The following COL4A4 variants were observed in gnomAD, a reference collection of about 807,000 sequenced individuals.
COL4A4 encodes collagen alpha-4(IV) chain.
In COL4A4, 105 loss-of-function variants were observed where a neutral mutation model predicts 192.9. That is an observed-to-expected ratio of 0.54 (90% CI 0.46 to 0.64). COL4A4 has a LOEUF of 0.64. COL4A4 is among the 30% of genes least tolerant of loss of function. The pLI is 0.00. For synonymous variants in COL4A4, 762 were observed against 769.9 expected (o/e 0.99, Z 0.17); for missense variants, 1,967 against 2,169.3 (o/e 0.91, Z 1.85).
the COL4A4 span, among the ~76,000 whole-genome samples, chr2:226,976,033 G>C: frequency 1.3e-5 from 2 of 151,754 alleles, no homozygotes; most frequent in Admixed American, 1.3e-4. Flanking sequence ...GGCCTGTCTG[G>C]TCACAAGTCC....
chr2:227,006,488 T>G lies in COL4A4; in HGVS notation c.*837A>C, dbSNP rs1288872117. ...AAGTTCACTGCAATGGGGAGTCAAT[T>G]TTTGTGAATAACTACCTTAATATTC... On this transcript the variant is annotated 3_prime_UTR_variant, in exon 48 of 48. Transcript: ENST00000396625. The G allele has an allele frequency of 1.3e-5, 2 of 152,458 alleles. No individual in the cohort carries two copies. Among genetic ancestry groups the G allele is most frequent in the African/African-American group, 2.4e-5 (1 of 41,456 alleles). 9.4% of individuals were successfully genotyped at this position (152,458 alleles called of 1,614,324 possible). A position where few individuals can be genotyped will look rare whatever the true frequency, so the allele number is the denominator to read the frequency against.
intron 2 of COL4A4, chr2:227,147,152 C>A: frequency 1.7e-6 from 1 of 583,500 alleles, no homozygotes; most frequent in Non-Finnish European, 3.3e-6. Flanking sequence ...CTATTCAAAC[C>A]TAGTGAGTAA....
At chr2:227,044,987 C>T (rs1297097501) in intron 35 of COL4A4, among the ~76,000 whole-genome samples, 1 of 152,074 alleles carries the variant, frequency 6.6e-6, no homozygotes, top group Non-Finnish European at 1.5e-5. Flanking sequence ...AAAAAGTCAG[C>T]CTAAGTGTAA....
At chr2:227,013,313 C>T (rs1321388615) in intron 44 of COL4A4, among the ~76,000 whole-genome samples, 1 of 152,054 alleles carries the variant, frequency 6.6e-6, no homozygotes, top group African/African-American at 2.4e-5. Flanking sequence ...ACAGAGTAGC[C>T]TGGTATGGGC....
chr2:227,142,483 G>T (rs2063286476), intron 3 of COL4A4, among the ~76,000 whole-genome samples: 1 of 152,164 alleles, frequency 6.6e-6, no homozygotes, highest in Non-Finnish European at 1.5e-5. Context: ...GCTGGCTGCG[G>T]TGGCTCATTC....
chr2:227,128,477 C>T (rs939314787), intron 4 of COL4A4, among the ~76,000 whole-genome samples: 5 of 152,110 alleles, frequency 3.3e-5, no homozygotes, highest in Admixed American at 3.3e-4. Flanking sequence ...TTCTTGCATC[C>T]TCTTCCCCTG....
At chr2:227,068,903 A>G (rs1309902302) in intron 25 of COL4A4, among the ~76,000 whole-genome samples, 7 of 150,828 alleles carry the variant, frequency 4.6e-5, no homozygotes, top group Non-Finnish European at 8.8e-5. Flanking sequence ...AGGGTATTCA[A>G]TTGGGAAAAG....
chr2:227,085,168 C>T (rs1287164621), intron 22 of COL4A4, among the ~76,000 whole-genome samples: 2 of 151,014 alleles, frequency 1.3e-5, no homozygotes, highest in Non-Finnish European at 2.9e-5. Context: ...AAAAAAAACA[C>T]TTCCTCTCTG....
chr2:227,061,228 T>C (rs1372330428), intron 26 of COL4A4, among the ~76,000 whole-genome samples: 1 of 152,236 alleles, frequency 6.6e-6, no homozygotes, highest in Non-Finnish European at 1.5e-5. Flanking sequence ...GAACGTTCAA[T>C]CCGTCAACCT....
chr2:227,120,833 G>C (rs973816798), intron 5 of COL4A4, 181 bp downstream of exon 5: 2 of 682,444 alleles, frequency 2.9e-6, no homozygotes, highest in East Asian at 5.7e-5. Context: ...CAGCTACTTG[G>C]GAGGCTGAGG....
intron 14 of COL4A4, 112 bp from the exon 15 acceptor site, chr2:227,102,960 T>C: frequency 1.6e-6 from 2 of 1,220,144 alleles, no homozygotes; most frequent in Non-Finnish European, 2.4e-6. Flanking sequence ...AAAATTATTG[T>C]CAGCAGCTTA....
At chr2:227,098,953 C>T (rs1559618145) in intron 18 of COL4A4, among the ~76,000 whole-genome samples, 155 bp from the exon 19 acceptor site, 2 of 152,268 alleles carry the variant, frequency 1.3e-5, no homozygotes, top group East Asian at 1.9e-4. Flanking sequence ...AAATGTGAAC[C>T]GCCTTGGCTG....
intron 46 of COL4A4, 140 bp downstream of exon 46, chr2:227,010,173 G>T (rs1471936571): frequency 7.0e-6 from 6 of 860,418 alleles, no homozygotes; most frequent in Non-Finnish European, 9.7e-6. Flanking sequence ...AGCTGAGAAT[G>T]ACCATGCTAG....
At chr2:227,069,273 G>A (rs1184814678) in intron 25 of COL4A4, among the ~76,000 whole-genome samples, 3 of 151,368 alleles carry the variant, frequency 2.0e-5, no homozygotes, top group South Asian at 2.1e-4. Flanking sequence ...AATCAATATC[G>A]TGAAAATGGC....
At position 227,147,721 on chromosome 2, in the gene COL4A4, A is replaced by C. The variant is rs767708953; in HGVS notation, c.-101-137T>G. 1.2e-4 allele frequency: 50 copies of C among 404,148 alleles called. 1 individual carries two copies. Among genetic ancestry groups the C allele is most frequent in the Non-Finnish European group, 1.9e-4 (41 of 217,754 alleles). The allele number at this position is 404,148 out of a possible 1,614,324, so 25.0% of individuals were successfully genotyped here. A position where few individuals can be genotyped will look rare whatever the true frequency, so the allele number is the denominator to read the frequency against. On this transcript the variant is annotated intron_variant, in intron 1 of 47. Transcript: ENST00000396625. ...TCTTTCCTTAGTGATGGTGAAACTGAATAAATATCAGTTTTTATCTTCAGA... is the reference window on the plus strand; with the variant it reads ...TCTTTCCTTAGTGATGGTGAAACTGCATAAATATCAGTTTTTATCTTCAGA...
At chr2:227,121,561 CAAA>C (rs766680844) in intron 4 of COL4A4, among the ~76,000 whole-genome samples, 1 of 59,012 alleles carries the variant, frequency 1.7e-5, no homozygotes, top group Non-Finnish European at 3.7e-5. Flanking sequence ...GACCCTATCT[CAAA>C]AAAAAAAAAA....
At chr2:227,077,709 AAG>A (rs1377402085) in intron 25 of COL4A4, among the ~76,000 whole-genome samples, 183 bp downstream of exon 25, 1 of 151,742 alleles carries the variant, frequency 6.6e-6, no homozygotes, top group African/African-American at 2.4e-5. Flanking sequence ...GAAAAAAAAA[AAG>A]AAGGAGGAGG....
intron 4 of COL4A4, among the ~76,000 whole-genome samples, chr2:227,129,203 T>C (rs1021597819): frequency 3.9e-5 from 6 of 152,114 alleles, no homozygotes; most frequent in Non-Finnish European, 7.4e-5. Flanking sequence ...CTCAAAGACA[T>C]GAGACAAAGG....
the COL4A4 span, among the ~76,000 whole-genome samples, chr2:226,974,225 TTTTTATTTTA>T: frequency 2.0e-5 from 3 of 148,260 alleles, no homozygotes; most frequent in East Asian, 4.0e-4. Flanking sequence ...TGTTGCCCTT[TTTTTATTTTA>T]TTTTATTTTA....
Sources: allele counts gnomAD v4.1 joint callset (sites outside exome capture counted in the v4.1 genomes callset), GRCh38; gene constraint gnomAD v4.1.1; transcripts MANE v1.5; gene names NCBI Gene and HGNC (gene_info 2026-07-23, HGNC 2026-07-21).